Variants in RSPH14 observed in about 807,000 individuals in gnomAD.
RSPH14 encodes the protein radial spoke head 14 homolog.
A neutral mutation model predicts 26.7 loss-of-function variants in RSPH14; 20 were observed. The ratio of observed to expected loss-of-function variants is 0.75; its 90% CI spans 0.53 to 1.09. The LOEUF (loss-of-function observed/expected upper bound fraction) is 1.09, where lower values mean the gene tolerates loss of function less well. Among genes scored for constraint, RSPH14 ranks in the 50% least tolerant of loss-of-function variants. The probability of loss-of-function intolerance (pLI) is 0.00; values close to 1 mark genes in which losing one functional copy is unlikely to be tolerated. For missense variants in RSPH14, 449 were observed against 457.2 expected (o/e 0.98, Z 0.16); for synonymous variants, 177 against 189.3 (o/e 0.93, Z 0.53).
chr22:23,140,366 T>C lies in RSPH14; in HGVS notation c.55A>G (p.Ile19Val). The part of the protein sequence containing the change: ...ELPININATQ[I>V]TTAYGHRALP... ...GCCCGATGGCCATAGGCAGTGGTAA[T>C]CTGGGTGGCATTGATGTTAATGGGA... Residue 19 changes from isoleucine (I) to valine (V), a missense_variant, in exon 2 of 7, where the codon ATT becomes GTT. Transcript: ENST00000216036. 2 of 1,614,182 alleles carry C rather than the reference T, an allele frequency of 1.2e-6. No individual in the cohort carries two copies. Among genetic ancestry groups the C allele is most frequent in the South Asian group, 2.2e-5 (2 of 91,082 alleles).
At chr22:23,091,598 ACCTAT>A (rs2068980231) in intron 4 of RSPH14, among the ~76,000 whole-genome samples, 1 of 151,100 alleles carries the variant, frequency 6.6e-6, no homozygotes, top group South Asian at 2.1e-4. Context: ...ACACACAGGC[ACCTAT>A]GCATACACGC....
At chr22:23,120,045 T>G (rs779240704) in intron 4 of RSPH14, among the ~76,000 whole-genome samples, 3 of 152,084 alleles carry the variant, frequency 2.0e-5, no homozygotes, top group Non-Finnish European at 4.4e-5. Context: ...CGGGAGATGT[T>G]TGTCTGTCCT....
chr22:23,065,699 G>T (rs984250587), intron 4 of RSPH14, among the ~76,000 whole-genome samples: 1 of 152,094 alleles, frequency 6.6e-6, no homozygotes, highest in South Asian at 2.1e-4. Flanking sequence ...CGTGTTCCAC[G>T]TGCTGTGGAT....
chr22:23,156,990 G>A, the RSPH14 span, among the ~76,000 whole-genome samples: 5 of 152,294 alleles, frequency 3.3e-5, no homozygotes, highest in African/African-American at 1.2e-4. Context: ...CCAAGGTGCA[G>A]AGGAAGCCCC....
chr22:23,145,509 C>A (rs761171420), upstream of RSPH14: 86 of 1,605,304 alleles, frequency 5.4e-5, no homozygotes, highest in South Asian at 9.9e-5. Context: ...CTGGCTCAGG[C>A]GGACCAGGCC....
intron 4 of RSPH14, among the ~76,000 whole-genome samples, chr22:23,089,834 C>G (rs2068916716): frequency 6.6e-6 from 1 of 152,100 alleles, no homozygotes; most frequent in South Asian, 2.1e-4. Flanking sequence ...GTAGGTGAGT[C>G]AAGGACCAGG....
At chr22:23,087,542 A>C (rs754443626) in intron 4 of RSPH14, among the ~76,000 whole-genome samples, 36 of 152,234 alleles carry the variant, frequency 2.4e-4, no homozygotes, top group Non-Finnish European at 4.8e-4. Context: ...GAGAATTGCA[A>C]TAGAGAAAGA....
chr22:23,143,326 A>AATAT (rs2070631714), upstream of RSPH14, among the ~76,000 whole-genome samples: 1 of 145,656 alleles, frequency 6.9e-6, no homozygotes, highest in African/African-American at 2.6e-5. Flanking sequence ...TAAATAAATA[A>AATAT]ATAAATAGAT....
the RSPH14 span, among the ~76,000 whole-genome samples, chr22:23,178,535 T>C: frequency 1.3e-5 from 2 of 152,020 alleles, no homozygotes; most frequent in Non-Finnish European, 2.9e-5. Flanking sequence ...ACATGCAAAA[T>C]GGGCTATTTG....
the RSPH14 span, chr22:23,160,865 T>C: frequency 2.5e-6 from 4 of 1,611,562 alleles, no homozygotes; most frequent in African/African-American, 4.0e-5. Context: ...CCCGGCTGTC[T>C]TGTGGGCCCA....
At chr22:23,103,277 C>G (rs1381030555) in intron 4 of RSPH14, among the ~76,000 whole-genome samples, 1 of 152,194 alleles carries the variant, frequency 6.6e-6, no homozygotes, top group Non-Finnish European at 1.5e-5. Flanking sequence ...CAAAACAGTT[C>G]TACTCCTCCC....
At position 23,123,433 on chromosome 22, in the gene RSPH14, G is replaced by A. The variant is rs577560409; in HGVS notation, c.421+10593C>T. ...CTCAAGTACATTGGCCTTTGCTGAG[G>A]AGCTGGGCCCGGGGCCCGCCTGCCT... is the stretch of plus-strand genomic sequence containing the variant. On this transcript the variant is annotated intron_variant, in intron 4 of 6. Transcript: ENST00000216036. 7 of 1,600,930 alleles carry A rather than the reference G, an allele frequency of 4.4e-6. No individual in the cohort carries two copies. In the South Asian group the frequency reaches 6.6e-5, roughly 15 times the overall value.
intron 5 of RSPH14, among the ~76,000 whole-genome samples, chr22:23,063,092 T>C (rs912186249): frequency 1.1e-4 from 16 of 152,106 alleles, no homozygotes; most frequent in African/African-American, 3.6e-4. Flanking sequence ...GAGAGCTCTC[T>C]CCTGGAAAGC....
At chr22:23,117,872 G>C (rs1331697968) in intron 4 of RSPH14, among the ~76,000 whole-genome samples, 1 of 152,208 alleles carries the variant, frequency 6.6e-6, no homozygotes, top group Admixed American at 6.5e-5. Flanking sequence ...TCAGGAGTGA[G>C]AGGCCTCACC....
Position 23,063,986 on chromosome 22 carries a change from T to C in RSPH14, c.569A>G (p.Asn190Ser), listed in dbSNP as rs772258754. Residue 190 changes from asparagine (N) to serine (S), a missense_variant, in exon 5 of 7, where the codon AAT becomes AGT. Coordinates refer to ENST00000216036, the MANE Select transcript of RSPH14 (RefSeq NM_014433.3). ...CTTCTGCTTCAGGACAAGCACCACA[T>C]TGCTGCCCAGGGCCTCGGTGGCATC... ...QEDATEALGS[N>S]VVLVLKQKLL... The C allele has an allele frequency of 1.5e-5, 24 of 1,614,144 alleles. No individual in the cohort carries two copies. The highest frequency in any genetic ancestry group is 1.9e-5 in the Non-Finnish European group (23 of 1,180,004).
At chr22:23,180,532 T>G in the RSPH14 span, 1 of 180,322 alleles carries the variant, frequency 5.5e-6, no homozygotes, top group African/African-American at 2.5e-5. Flanking sequence ...CGGGCGGGAG[T>G]GCGGCGAGAG....
chr22:23,144,398 T>TGGA (rs2070672653), upstream of RSPH14, among the ~76,000 whole-genome samples: 1 of 152,214 alleles, frequency 6.6e-6, no homozygotes, highest in Non-Finnish European at 1.5e-5. Flanking sequence ...TGGACTTGAA[T>TGGA]CAAGCTTTAC....
Position 23,071,634 on chromosome 22 carries a change from C to G in RSPH14, c.422-7501G>C, listed in dbSNP as rs951416665. ...ACCGGGTGGGAGTGGACTGGGCCTGCCCTCCCAGGACTGATTGACCACCGC... is the reference window on the plus strand; with the variant it reads ...ACCGGGTGGGAGTGGACTGGGCCTGGCCTCCCAGGACTGATTGACCACCGC... On this transcript the variant is annotated intron_variant, in intron 4 of 6. Transcript: ENST00000216036. This position sits in a 1 kb window ranked among gnomAD's most constrained non-coding sequence, Gnocchi z 4.1. 7.2e-5 allele frequency among the ~76,000 whole-genome samples: 11 copies of G among 152,156 alleles called. No homozygotes were observed. Among genetic ancestry groups the G allele is most frequent in the Admixed American group, 2.6e-4 (4 of 15,286 alleles).
the RSPH14 span, chr22:23,158,787 GTCCC>G: frequency 3.7e-4 from 349 of 945,688 alleles, 2 homozygotes; most frequent in South Asian, 3.0e-3. Flanking sequence ...AGCCCTCCTT[GTCCC>G]TCCCAGCCCA....
Sources: gnomAD v4.1 joint callset for allele counts (sites outside exome capture counted in the v4.1 genomes callset) on GRCh38, gnomAD v4.1.1 for gene constraint, Gnocchi (gnomAD v3.1) non-coding constraint, MANE v1.5 for transcripts, NCBI Gene and HGNC (gene_info 2026-07-23, HGNC 2026-07-21) for gene names.